The following PTBP1 variants were observed in gnomAD, a reference collection of about 807,000 sequenced individuals.
The protein encoded by PTBP1 is polypyrimidine tract binding protein 1, also known as polypyrimidine tract-binding protein 1.
Under a neutral mutation model 59.8 loss-of-function variants are expected in PTBP1, and 8 were observed. The ratio of observed to expected loss-of-function variants is 0.13; its 90% CI spans 0.08 to 0.24. The LOEUF is 0.24. Among genes scored for constraint, PTBP1 ranks in the 10% least tolerant of loss-of-function variants. The pLI is 1.00. For synonymous variants in PTBP1, 490 were observed against 320.7 expected, an observed-to-expected ratio of 1.53 and a Z score of -5.64; for missense variants, 686 against 767.0, an observed-to-expected ratio of 0.89 and a Z score of 1.25.
chr19:806,785 A>G (rs2034601616), intron 10 of PTBP1: 1 of 463,150 alleles, frequency 2.2e-6, no homozygotes, highest in Non-Finnish European at 3.7e-6. Context: ...GATACGCAGA[A>G]TGAATTATTT....
rs772568395 is a variant in PTBP1, at chr19:810,830, C to T, written c.*4C>T. The T allele has an allele frequency of 3.2e-6, 5 of 1,539,242 alleles. No individual in the cohort carries two copies. Among genetic ancestry groups the T allele is most frequent in the Non-Finnish European group, 1.7e-6 (2 of 1,152,542 alleles). ...CTTCTCCAAGTCCACCATCTAGGGG[C>T]ACAGGCCCCCACGGCCGGGCCCCCT... On this transcript the variant is annotated 3_prime_UTR_variant, in exon 15 of 15. Transcript: ENST00000356948.
Position 811,826 on chromosome 19 carries a change from A to G in PTBP1, c.*1000A>G, listed in dbSNP as rs1397481885. The G allele has an allele frequency of 6.6e-6, 1 of 152,420 alleles. No homozygotes were observed. The highest frequency in any genetic ancestry group is 1.5e-5 in the Non-Finnish European group (1 of 68,030). 9.4% of individuals were successfully genotyped at this position (152,420 alleles called of 1,614,324 possible). On this transcript the variant is annotated 3_prime_UTR_variant, in exon 15 of 15. Coordinates refer to ENST00000356948, the MANE Select transcript of PTBP1 (RefSeq NM_002819.5). ...CAGTCGCCTAGAAAACTTGCTCTCA[A>G]ACTTCAGGGTTTTTTCTTCCTTCAA...
In PTBP1 at chr19:808,226, G is replaced by A. The variant is rs2034667222; in HGVS notation, c.1154-134G>A. On this transcript the variant is annotated intron_variant, in intron 11 of 14. Coordinates refer to ENST00000356948, the MANE Select transcript of PTBP1 (RefSeq NM_002819.5). The surrounding 1 kb of genome is among the most constrained non-coding windows in gnomAD (Gnocchi z 4.7). ...GCGCGCCCTGTGGCTGCGAGACGCA[G>A]CTCCGCAGTGGCCGATAAAGCAAAC... 1.3e-6 allele frequency: 1 copy of A among 748,356 alleles called. No homozygotes were observed. The highest frequency in any genetic ancestry group is 2.3e-6 in the Non-Finnish European group (1 of 438,562). The allele number at this position is 748,356 out of a possible 1,614,324, so 46.4% of individuals were successfully genotyped here.
At chr19:799,934 T>A (rs1210005529) in intron 2 of PTBP1, among the ~76,000 whole-genome samples, 2 of 151,878 alleles carry the variant, frequency 1.3e-5, no homozygotes, top group Non-Finnish European at 2.9e-5. Context: ...TTTGTTTTTG[T>A]TTTTTATTTT....
At chr19:810,234 AG>A (rs1367044144) in intron 13 of PTBP1, among the ~76,000 whole-genome samples, 1 of 152,214 alleles carries the variant, frequency 6.6e-6, no homozygotes, top group East Asian at 1.9e-4. Context: ...TTGAACCTGC[AG>A]GCGGAGGTTG....
rs185512887 is a variant in PTBP1 at position 808,700 on chromosome 19, G to C, written c.1401G>C (p.Pro467=). Residue 467 remains proline, a synonymous_variant, in exon 13 of 15, where the codon CCG becomes CCC. Transcript: ENST00000356948. This position sits in a 1 kb window ranked among gnomAD's most constrained non-coding sequence, Gnocchi z 4.7. Reference sequence around the variant, plus strand: ...CACCCCTGCACCGCTTCAAGAAGCCGGGCTCCAAGAACTTCCAGAACATAT... The same window carrying C: ...CACCCCTGCACCGCTTCAAGAAGCCCGGCTCCAAGAACTTCCAGAACATAT... The part of the protein sequence containing the change: ...GNSPLHRFKK[P]GSKNFQNIFP... 1 of 1,613,094 alleles carries C rather than the reference G, an allele frequency of 6.2e-7. No individual in the cohort carries two copies. The highest frequency in any genetic ancestry group is 1.7e-5 in the Admixed American group (1 of 59,982).
rs1174959753 is a variant in PTBP1 at position 806,484 on chromosome 19, A to G, written c.1047A>G (p.Ala349=). 7.6e-6 allele frequency: 12 copies of G among 1,587,442 alleles called. No individual in the cohort carries two copies. The highest frequency in any genetic ancestry group is 1.0e-5 in the Non-Finnish European group (12 of 1,168,560). The change falls in exon 10 of 15, where the codon GCA becomes GCG. Residue 349 remains alanine, a synonymous_variant. Transcript: ENST00000356948. ...CGGCGGCGGCGGCAGCTGCGGCGGC[A>G]GGTCGGATCGCCATCCCGGGCCTGG... ...IPSAAAAAAA[A]GRIAIPGLAG...
intron 1 of PTBP1, 21 bp downstream of exon 1, chr19:797,526 C>T (rs374520297): frequency 3.9e-5 from 59 of 1,495,136 alleles, no homozygotes; most frequent in Non-Finnish European, 2.0e-5. Context: ...CGTCGCCCCG[C>T]GCCCCACCGC....
Position 808,292 on chromosome 19 carries a change from C to A in PTBP1, c.1154-68C>A. 1 of 1,337,364 alleles carries A rather than the reference C, an allele frequency of 7.5e-7. No homozygotes were observed. Among genetic ancestry groups the A allele is most frequent in the Non-Finnish European group, 1.0e-6 (1 of 954,826 alleles). 82.8% of individuals were successfully genotyped at this position (1,337,364 alleles called of 1,614,324 possible). On this transcript the variant is annotated intron_variant, in intron 11 of 14. Transcript: ENST00000356948. This position sits in a 1 kb window ranked among gnomAD's most constrained non-coding sequence, Gnocchi z 4.7. ...CGGGCCTTGTGGGGGTGCGCGGGGC[C>A]GGGGCTGACGGGGAGATGGGCGGGG...
rs1247687068 is a variant in PTBP1, at chr19:804,797, C to T, written c.607-32C>T. ...CCTGGCAGGGCTGGTGGGCACCGGG[C>T]AGGAGCTCATGCTGTGGCCCGGGAC... On this transcript the variant is annotated intron_variant, in intron 6 of 14. Transcript: ENST00000356948. 3 of 1,608,494 alleles carry T rather than the reference C, an allele frequency of 1.9e-6. No homozygotes were observed. The African/African-American group carries it at 4.0e-5, about 22-fold the overall frequency.
chr19:798,004 C>T (rs1345265267), intron 1 of PTBP1, among the ~76,000 whole-genome samples: 11 of 150,708 alleles, frequency 7.3e-5, no homozygotes, highest in Admixed American at 1.3e-4. Flanking sequence ...CGGCGCAGCC[C>T]CGGAAGCGCA....
chr19:798,630 A>T (rs746210176), intron 1 of PTBP1: 1 of 152,080 alleles, frequency 6.6e-6, no homozygotes, highest in African/African-American at 2.4e-5. Context: ...CGCCTCCCGG[A>T]GTGAGGCAGG....
At chr19:798,031 C>A (rs1472526336) in intron 1 of PTBP1, among the ~76,000 whole-genome samples, 1 of 151,198 alleles carries the variant, frequency 6.6e-6, no homozygotes, top group Non-Finnish European at 1.5e-5. Flanking sequence ...GCTGGGGCGG[C>A]CGCCGGGAGG....
intron 2 of PTBP1, among the ~76,000 whole-genome samples, chr19:802,081 ATTGC>A (rs1248504711): frequency 6.6e-6 from 1 of 151,866 alleles, no homozygotes. Context: ...TGGCTGCTCG[ATTGC>A]TTGTTTGGTG....
chr19:801,532 GC>G (rs2034333335), intron 2 of PTBP1, among the ~76,000 whole-genome samples: 2 of 152,244 alleles, frequency 1.3e-5, no homozygotes, highest in East Asian at 3.8e-4. Flanking sequence ...GGTCCAAGAT[GC>G]CCTTTTTAAG....
intron 2 of PTBP1, among the ~76,000 whole-genome samples, chr19:800,039 G>A (rs2034262255): frequency 6.6e-6 from 1 of 151,706 alleles, no homozygotes; most frequent in Admixed American, 6.6e-5. Context: ...CGATTCTCCT[G>A]CCTCAACCTC....
chr19:801,655 C>T (rs2034339286), intron 2 of PTBP1, among the ~76,000 whole-genome samples: 1 of 152,222 alleles, frequency 6.6e-6, no homozygotes, highest in Non-Finnish European at 1.5e-5. Context: ...CCCCCAGCCT[C>T]TGAGCTGGAG....
At position 806,568 on chromosome 19, in the gene PTBP1, T is replaced by C. The variant is rs1293212668; in HGVS notation, c.1119+12T>C. The C allele has an allele frequency of 1.1e-5, 16 of 1,485,810 alleles. No individual in the cohort carries two copies. The highest frequency in any genetic ancestry group is 2.4e-5 in the Admixed American group (1 of 41,512). 92.0% of individuals were successfully genotyped at this position (1,485,810 alleles called of 1,614,324 possible). ...ACCTCAACCCAGAGGTACGTGGGCTTTTCCTCCGCGCCGCCGTTCCTCCCG... is the reference window on the plus strand; with the variant it reads ...ACCTCAACCCAGAGGTACGTGGGCTCTTCCTCCGCGCCGCCGTTCCTCCCG... On this transcript the variant is annotated intron_variant, in intron 10 of 14. Transcript: ENST00000356948.
intron 2 of PTBP1, among the ~76,000 whole-genome samples, chr19:801,697 G>A (rs1007929438): frequency 5.9e-5 from 9 of 152,222 alleles, no homozygotes; most frequent in Non-Finnish European, 1.3e-4. Flanking sequence ...CTTCCTGTGG[G>A]AGGCGAAGGT....
Sources: allele counts gnomAD v4.1 joint callset (sites outside exome capture counted in the v4.1 genomes callset), GRCh38; gene constraint gnomAD v4.1.1; non-coding constraint Gnocchi (gnomAD v3.1); transcripts MANE v1.5; gene names NCBI Gene and HGNC (gene_info 2026-07-23, HGNC 2026-07-21).